The following SULT1A1 variants were observed in gnomAD, a reference collection of about 807,000 sequenced individuals.
SULT1A1 encodes sulfotransferase family 1A member 1.
A neutral mutation model predicts 36.8 loss-of-function variants in SULT1A1; 35 were observed. That is an observed-to-expected ratio of 0.95 (90% CI 0.73 to 1.26). The LOEUF (loss-of-function observed/expected upper bound fraction) is 1.26, where lower values mean the gene tolerates loss of function less well. SULT1A1 is among the 50% of genes most tolerant of loss of function. The pLI is 0.00. For missense variants in SULT1A1, 309 were observed against 383.0 expected (o/e 0.81, Z 1.61); for synonymous variants, 119 against 146.0 (o/e 0.82, Z 1.33).
chr16:28,609,491 G>A (rs1265177592), intron 1 of SULT1A1: 2 of 1,067,982 alleles, frequency 1.9e-6, no homozygotes, highest in East Asian at 5.8e-5. Context: ...GGCCTAGGCA[G>A]GGTGGCTCCC....
At chr16:28,622,058 G>A (rs568821800) in intron 1 of SULT1A1, among the ~76,000 whole-genome samples, 3 of 152,106 alleles carry the variant, frequency 2.0e-5, no homozygotes, top group African/African-American at 4.8e-5. Flanking sequence ...TCTTCACCCC[G>A]GGAGAAGCTA....
chr16:28,610,209 G>T, upstream of SULT1A1: 8 of 1,279,510 alleles, frequency 6.3e-6, no homozygotes, highest in Non-Finnish European at 8.1e-6. Context: ...GAAAACAGAA[G>T]AATGAAAGGG....
chr16:28,623,122 G>GCCCCCC, intron 1 of SULT1A1: 1 of 1,434,808 alleles, frequency 7.0e-7, no homozygotes, highest in Non-Finnish European at 9.2e-7. Flanking sequence ...TCCCCCCCCG[G>GCCCCCC]CCCCTCACCG....
At chr16:28,609,480 AG>A in intron 1 of SULT1A1, 1 of 1,119,334 alleles carries the variant, frequency 8.9e-7, no homozygotes, top group African/African-American at 1.6e-5. Flanking sequence ...GCAAAAGCAC[AG>A]GCCTAGGCAG....
intron 1 of SULT1A1, chr16:28,609,202 G>A: frequency 2.3e-6 from 3 of 1,315,270 alleles, no homozygotes; most frequent in Non-Finnish European, 2.9e-6. Flanking sequence ...GGAAGCTCTA[G>A]GACCTTCCTG....
upstream of SULT1A1, among the ~76,000 whole-genome samples, chr16:28,614,514 T>C (rs2047492487): frequency 7.8e-6 from 1 of 127,750 alleles, no homozygotes; most frequent in African/African-American, 2.6e-5. Context: ...CCCTGCCCCA[T>C]CTTTCAAGCA....
chr16:28,622,281 T>G (rs2047672213), intron 1 of SULT1A1, among the ~76,000 whole-genome samples: 1 of 152,168 alleles, frequency 6.6e-6, no homozygotes, highest in Non-Finnish European at 1.5e-5. Flanking sequence ...AACCCGCCTC[T>G]TGGTGGAGTC....
rs376722115 is a variant in SULT1A1, at chr16:28,606,897, C to T, written c.500-42G>A. On this transcript the variant is annotated intron_variant, in intron 5 of 7. Coordinates refer to ENST00000314752, the MANE Select transcript of SULT1A1 (RefSeq NM_001055.4). The stretch of plus-strand genomic sequence containing the variant: ...GGGGTGCCAACACAGGGTTGCTGTG[C>T]GTTGTAGCCACCACCCCTTAGCTCC... 122 of 1,612,288 alleles carry T rather than the reference C, an allele frequency of 7.6e-5. 1 individual carries two copies. The African/African-American group carries it at 9.7e-4, about 13-fold the overall frequency.
At chr16:28,610,168 T>A (rs2047392672), upstream of SULT1A1, 1 of 1,284,434 alleles carries the variant, frequency 7.8e-7, no homozygotes. Flanking sequence ...CTTAAAGTGA[T>A]CTCCAAAGCC....
rs1273827359 is a variant in SULT1A1, at chr16:28,605,894, T to C, written c.815A>G (p.Gln272Arg). Residue 272 changes from glutamine (Q) to arginine (R), a missense_variant, in exon 8 of 8, where the codon CAG becomes CGG. This residue lies in a region of SULT1A1 where 67 missense variants were observed against 122.0 expected (regional missense o/e 0.55). Coordinates refer to ENST00000314752, the MANE Select transcript of SULT1A1 (RefSeq NM_001055.4). Reference protein sequence around the residue: ...GDWKTTFTVAQNERFDADYAE... With the variant: ...GDWKTTFTVARNERFDADYAE... The stretch of plus-strand genomic sequence containing the variant: ...ATAGTCCGCATCGAAGCGCTCATTC[T>C]GCGCCACGGTGAAGGTGGTCTTCCA... 1.9e-6 allele frequency: 3 copies of C among 1,609,054 alleles called. No homozygotes were observed. Among genetic ancestry groups the C allele is most frequent in the Non-Finnish European group, 2.5e-6 (3 of 1,177,668 alleles).
At chr16:28,620,937 C>A (rs1316275010) in intron 1 of SULT1A1, among the ~76,000 whole-genome samples, 3 of 151,628 alleles carry the variant, frequency 2.0e-5, no homozygotes, top group African/African-American at 7.3e-5. Flanking sequence ...ACGGAGAAAC[C>A]CCGTCTCTAC....
Position 28,606,464 on chromosome 16 carries a change from G to A in SULT1A1, c.595-228C>T, listed in dbSNP as rs572708548. Among the ~76,000 whole-genome samples the A allele has an allele frequency of 7.2e-5, 11 of 151,964 alleles. No individual in the cohort carries two copies. In the South Asian group the frequency reaches 2.1e-3, roughly 29 times the overall value. ...GCTCCTATGGGTGAGGACCGTGATGGTCTTCTTCTGTGACTGTGGCCCTGG... is the reference window on the plus strand; with the variant it reads ...GCTCCTATGGGTGAGGACCGTGATGATCTTCTTCTGTGACTGTGGCCCTGG... On this transcript the variant is annotated intron_variant, in intron 6 of 7. Coordinates refer to ENST00000314752, the MANE Select transcript of SULT1A1 (RefSeq NM_001055.4).
At chr16:28,610,262 C>CTTTTTT, upstream of SULT1A1, 14 of 239,622 alleles carry the variant, frequency 5.8e-5, no homozygotes, top group South Asian at 9.0e-5. Context: ...TTTTTTTTTT[C>CTTTTTT]TGTTTTTTTT....
intron 1 of SULT1A1, among the ~76,000 whole-genome samples, chr16:28,621,984 C>G (rs918663905): frequency 1.3e-5 from 2 of 152,146 alleles, no homozygotes; most frequent in Non-Finnish European, 2.9e-5. Context: ...TAAATCAGCT[C>G]CTAAATGACC....
At chr16:28,610,109 G>T, upstream of SULT1A1, 9 of 1,283,696 alleles carry the variant, frequency 7.0e-6, no homozygotes, top group South Asian at 1.2e-5. Flanking sequence ...GGGGTTGGGG[G>T]TGGGGGAGCT....
upstream of SULT1A1, chr16:28,610,978 C>G (rs535342412): frequency 2.6e-5 from 4 of 152,550 alleles, no homozygotes; most frequent in African/African-American, 9.7e-5. Context: ...GTGGGGGAAG[C>G]TGAGGCATGG....
chr16:28,609,414 G>A (rs1392731969), intron 1 of SULT1A1: 2 of 1,280,880 alleles, frequency 1.6e-6, no homozygotes, highest in Non-Finnish European at 2.0e-6. Flanking sequence ...TTGAGGAACT[G>A]AGCTGCTACT....
At chr16:28,606,724 G>A (rs748412001) in intron 6 of SULT1A1, 37 bp downstream of exon 6, 3 of 1,607,108 alleles carry the variant, frequency 1.9e-6, no homozygotes, top group South Asian at 1.1e-5. Flanking sequence ...CCTGCCCCCA[G>A]GAGTCACATG....
At chr16:28,619,766 A>AT (rs1567318281) in intron 2 of SULT1A1, among the ~76,000 whole-genome samples, 1 of 118,830 alleles carries the variant, frequency 8.4e-6, no homozygotes, top group Non-Finnish European at 1.8e-5. Context: ...ATATATATAG[A>AT]CACACACACA....
Sources: allele counts gnomAD v4.1 joint callset (sites outside exome capture counted in the v4.1 genomes callset), GRCh38; gene constraint gnomAD v4.1.1; regional missense constraint gnomAD v4.1.1; transcripts MANE v1.5; gene names NCBI Gene and HGNC (gene_info 2026-07-23, HGNC 2026-07-21).